Variants in NBEA observed in about 807,000 individuals in gnomAD.
NBEA encodes the protein lysosomal-trafficking regulator 2.
In NBEA, 44 loss-of-function variants were observed where a neutral mutation model predicts 343.4. The observed-to-expected ratio is 0.13, with a 90% CI of 0.10 to 0.16. The LOEUF (loss-of-function observed/expected upper bound fraction) is 0.16, where lower values mean the gene tolerates loss of function less well. Ranked by LOEUF, NBEA falls within the 10% of genes least tolerant of loss-of-function variation. The pLI is 1.00. For synonymous variants in NBEA, 1,175 were observed against 1,238.7 expected, an observed-to-expected ratio of 0.95 and a Z score of 1.08; for missense variants, 2,555 against 3,631.3, an observed-to-expected ratio of 0.70 and a Z score of 7.62.
intron 7 of NBEA, among the ~76,000 whole-genome samples, chr13:35,057,224 T>A (rs2063302563): frequency 6.6e-6 from 1 of 152,146 alleles, no homozygotes; most frequent in Admixed American, 6.6e-5. Context: ...TTTGTTTGCA[T>A]CTCTCTAGGC....
chr13:35,444,032 G>A (rs1048495753), intron 39 of NBEA, among the ~76,000 whole-genome samples: 2 of 151,938 alleles, frequency 1.3e-5, no homozygotes, highest in Non-Finnish European at 1.5e-5. Context: ...TTACTTATTA[G>A]GAAATGATTG....
intron 38 of NBEA, among the ~76,000 whole-genome samples, chr13:35,353,440 A>T (rs1450465345): frequency 6.6e-6 from 1 of 152,148 alleles, no homozygotes; most frequent in Non-Finnish European, 1.5e-5. Flanking sequence ...GTCTCAAAAA[A>T]AAAAGATTCT....
chr13:35,058,994 T>C, intron 8 of NBEA, 131 bp downstream of exon 8: 1 of 706,730 alleles, frequency 1.4e-6, no homozygotes, highest in Non-Finnish European at 2.1e-6. Context: ...TAGTCAAGTT[T>C]TATTATATGT....
chr13:35,412,670 A>G (rs1276056002), intron 38 of NBEA, among the ~76,000 whole-genome samples: 2 of 152,130 alleles, frequency 1.3e-5, no homozygotes, highest in African/African-American at 4.8e-5. Context: ...TATGTATATC[A>G]TAGTTATCAC....
Position 35,159,475 on chromosome 13 carries a change from G to T in NBEA, c.3304G>T (p.Ala1102Ser). Residue 1102 changes from alanine (A) to serine (S), a missense_variant, in exon 22 of 59, where the codon GCT (alanine) becomes TCT (serine). Around this residue, in one of 21 missense-constraint regions of NBEA, gnomAD observed 367 missense variants for 377.5 expected, o/e 0.97. Coordinates refer to ENST00000379939, the MANE Select transcript of NBEA (RefSeq NM_001385012.1). ...ATCTCTGTTGGATAATGTATATAGT[G>T]CTGCTGTTGAGAAACTCCAGAACAA... The part of the protein sequence containing the change: ...VESLLDNVYS[A>S]AVEKLQNNVH... 1 of 1,613,284 alleles carries T rather than the reference G, an allele frequency of 6.2e-7. No homozygotes were observed. Among genetic ancestry groups the T allele is most frequent in the Non-Finnish European group, 8.5e-7 (1 of 1,179,606 alleles).
At chr13:35,272,679 A>G (rs1489032645) in intron 34 of NBEA, among the ~76,000 whole-genome samples, 1 of 152,212 alleles carries the variant, frequency 6.6e-6, no homozygotes, top group Non-Finnish European at 1.5e-5. Flanking sequence ...AGCAAATGGA[A>G]AGCAAAAAAA....
At chr13:35,139,772 T>TTA (rs1555316291) in intron 17 of NBEA, among the ~76,000 whole-genome samples, 9 of 142,794 alleles carry the variant, frequency 6.3e-5, no homozygotes, top group Non-Finnish European at 1.2e-4. Context: ...TTTTTTTTTT[T>TTA]ATCTCTTGAC....
At chr13:35,324,109 A>G (rs977263987) in intron 36 of NBEA, among the ~76,000 whole-genome samples, 2 of 152,156 alleles carry the variant, frequency 1.3e-5, no homozygotes, top group Non-Finnish European at 2.9e-5. Context: ...GACATAATGG[A>G]TGCAGGTAGA....
chr13:35,119,436 A>G (rs1420217962), intron 16 of NBEA, among the ~76,000 whole-genome samples: 12 of 152,150 alleles, frequency 7.9e-5, no homozygotes, highest in Admixed American at 7.9e-4. Context: ...AGACTTGAAG[A>G]ACTCCTTTTC....
intron 46 of NBEA, among the ~76,000 whole-genome samples, chr13:35,591,205 T>C (rs528732746): frequency 3.3e-5 from 5 of 152,086 alleles, no homozygotes; most frequent in African/African-American, 7.2e-5. Context: ...TTACTTAAGG[T>C]TAAGTAAGCT....
intron 10 of NBEA, 141 bp downstream of exon 10, chr13:35,070,993 G>A: frequency 1.3e-6 from 1 of 789,388 alleles, no homozygotes; most frequent in Non-Finnish European, 1.8e-6. Context: ...AGAACTAATG[G>A]AGATAGATAT....
chr13:35,603,416 C>T (rs569052599), intron 47 of NBEA, among the ~76,000 whole-genome samples: 2 of 152,262 alleles, frequency 1.3e-5, no homozygotes, highest in East Asian at 1.9e-4. Context: ...ATAAATATGA[C>T]ATCCTATGTT....
intron 41 of NBEA, among the ~76,000 whole-genome samples, chr13:35,543,047 C>G (rs921675736): frequency 2.0e-5 from 3 of 151,830 alleles, no homozygotes; most frequent in Non-Finnish European, 4.4e-5. Flanking sequence ...TTTTTAGGTT[C>G]CTAAGACCAT....
At chr13:35,598,878 A>G (rs942874549) in intron 47 of NBEA, among the ~76,000 whole-genome samples, 2 of 152,154 alleles carry the variant, frequency 1.3e-5, no homozygotes, top group Non-Finnish European at 2.9e-5. Context: ...AACTGAAGAG[A>G]GTGTTCTAGG....
intron 1 of NBEA, among the ~76,000 whole-genome samples, chr13:34,980,006 T>C (rs2060303720): frequency 6.6e-6 from 1 of 152,200 alleles, no homozygotes; most frequent in Non-Finnish European, 1.5e-5. Flanking sequence ...TGAAGAAAGT[T>C]GAATGATGTG....
At chr13:35,543,514 G>C (rs74412205) in intron 41 of NBEA, among the ~76,000 whole-genome samples, 427 of 152,202 alleles carry the variant, frequency 2.8e-3, no homozygotes, top group African/African-American at 0.01. Context: ...GAAAACATCT[G>C]ACTTGCAAAA....
intron 38 of NBEA, among the ~76,000 whole-genome samples, chr13:35,431,509 G>T (rs546886612): frequency 6.6e-6 from 1 of 152,168 alleles, no homozygotes; most frequent in South Asian, 2.1e-4. Flanking sequence ...ATATCTCTTG[G>T]ATTTTTAGTA....
chr13:35,363,708 T>TA (rs1186002206), intron 38 of NBEA, among the ~76,000 whole-genome samples: 4 of 151,936 alleles, frequency 2.6e-5, no homozygotes, highest in African/African-American at 4.8e-5. Flanking sequence ...AGAACCATCC[T>TA]AAAACATCTA....
intron 36 of NBEA, among the ~76,000 whole-genome samples, chr13:35,330,581 G>C (rs757610558): frequency 6.6e-5 from 10 of 151,924 alleles, no homozygotes; most frequent in Non-Finnish European, 1.5e-4. Flanking sequence ...TCATTGTCAA[G>C]CTCCAGAATT....
Sources: gnomAD v4.1 joint callset for allele counts (sites outside exome capture counted in the v4.1 genomes callset) on GRCh38, gnomAD v4.1.1 for gene constraint, gnomAD v4.1.1 regional missense constraint, MANE v1.5 for transcripts, NCBI Gene and HGNC (gene_info 2026-07-23, HGNC 2026-07-21) for gene names.